The following SGPL1 variants were observed in gnomAD, a reference collection of about 807,000 sequenced individuals.
SGPL1 encodes the protein SP-lyase 1.
In SGPL1, 37 loss-of-function variants were observed where a neutral mutation model predicts 68.9. That is an observed-to-expected ratio of 0.54 (90% CI 0.41 to 0.71). The LOEUF is 0.71. SGPL1 is among the 30% of genes least tolerant of loss of function. SGPL1 has a pLI of 0.00. For synonymous variants in SGPL1, 236 were observed against 248.5 expected (o/e 0.95, Z 0.47); for missense variants, 551 against 704.6 (o/e 0.78, Z 2.47).
chr10:70,873,041 A>T (rs545198568), intron 11 of SGPL1, among the ~76,000 whole-genome samples: 3 of 152,166 alleles, frequency 2.0e-5, no homozygotes, highest in African/African-American at 4.8e-5. Flanking sequence ...ATCCTGACAT[A>T]TGGTCTCCAG....
intron 12 of SGPL1, among the ~76,000 whole-genome samples, 155 bp downstream of exon 12, chr10:70,873,744 C>G (rs1846337596): frequency 6.6e-6 from 1 of 152,238 alleles, no homozygotes; most frequent in South Asian, 2.1e-4. Flanking sequence ...TTAGGCCAGA[C>G]CAGCTGGCCT....
At chr10:70,862,956 A>G (rs907219047) in intron 7 of SGPL1, among the ~76,000 whole-genome samples, 4 of 152,108 alleles carry the variant, frequency 2.6e-5, no homozygotes, top group African/African-American at 4.8e-5. Context: ...ATTTCATTCT[A>G]AAGAATTCTG....
chr10:70,871,625 A>G (rs1283414138), intron 10 of SGPL1, among the ~76,000 whole-genome samples: 1 of 152,202 alleles, frequency 6.6e-6, no homozygotes, highest in Non-Finnish European at 1.5e-5. Flanking sequence ...TATAAAATTG[A>G]TACCATATTT....
chr10:70,871,757 A>G (rs559870641), intron 10 of SGPL1, 80 bp from the exon 11 acceptor site: 2 of 1,384,506 alleles, frequency 1.4e-6, no homozygotes, highest in South Asian at 2.8e-5. Flanking sequence ...TTTATAGCCC[A>G]TCTTTCCACC....
rs1846370347 is a variant in SGPL1, at chr10:70,875,514, G to A, written c.1411G>A (p.Gly471Arg). The A allele has an allele frequency of 4.3e-6, 7 of 1,612,910 alleles. No individual in the cohort carries two copies. Among genetic ancestry groups the A allele is most frequent in the Non-Finnish European group, 5.9e-6 (7 of 1,179,246 alleles). The stretch of plus-strand genomic sequence containing the variant: ...ACTATCAAACCTGATGACTGCTAAG[G>A]GGTGGAACTTGAACCAGTTGCAGTT... ...YRLSNLMTAKGWNLNQLQFPP... is the reference protein window; with the variant it reads ...YRLSNLMTAKRWNLNQLQFPP... The change falls in exon 13 of 15, where the codon GGG (glycine) becomes AGG (arginine). Residue 471 changes from glycine to arginine, a missense_variant. Physicochemically the swap from Gly to Arg is moderately radical, Grantham distance 125. Transcript: ENST00000373202.
Position 70,879,083 on chromosome 10 carries a change from C to T in SGPL1, c.*1748C>T, listed in dbSNP as rs1199640266. 2.0e-5 allele frequency: 3 copies of T among 152,974 alleles called. No homozygotes were observed. The highest frequency in any genetic ancestry group is 7.2e-5 in the African/African-American group (3 of 41,450). The allele number at this position is 152,974 out of a possible 1,614,324, so 9.5% of individuals were successfully genotyped here. On this transcript the variant is annotated 3_prime_UTR_variant, in exon 15 of 15. Coordinates refer to ENST00000373202, the MANE Select transcript of SGPL1 (RefSeq NM_003901.4). ...GCAGTGAGCTACTCCTGGCCCAGGCCCTAGGGGAAATGGATCAGTCTTTGA... is the reference window on the plus strand; with the variant it reads ...GCAGTGAGCTACTCCTGGCCCAGGCTCTAGGGGAAATGGATCAGTCTTTGA...
chr10:70,873,555 C>G lies in SGPL1; in HGVS notation c.1264C>G (p.Gln422Glu). 1 of 1,614,102 alleles carries G rather than the reference C, an allele frequency of 6.2e-7. No homozygotes were observed. Among genetic ancestry groups the G allele is most frequent in the Non-Finnish European group, 8.5e-7 (1 of 1,179,896 alleles). Residue 422 changes from glutamine to glutamate, a missense_variant, in exon 12 of 15, where the codon CAG (glutamine) becomes GAG (glutamate). Transcript: ENST00000373202. The part of the protein sequence containing the change: ...GENGYVEATK[Q>E]IIKTARFLKS... ...GAACGGCTATGTTGAAGCTACCAAA[C>G]AGATCATCAAAACTGCTCGCTTCCT...
At chr10:70,853,891 G>A (rs1683934) in intron 4 of SGPL1, among the ~76,000 whole-genome samples, 4 of 152,200 alleles carry the variant, frequency 2.6e-5, no homozygotes, top group Non-Finnish European at 5.9e-5. Context: ...TGTTGAATGG[G>A]ACCTCCAAAT....
rs746724800 is a variant in SGPL1, at chr10:70,844,613, A to T, written c.168A>T (p.Gly56=). 6.2e-7 allele frequency: 1 copy of T among 1,614,040 alleles called. No homozygotes were observed. The highest frequency in any genetic ancestry group is 1.1e-5 in the South Asian group (1 of 91,072). ...SVVWTLLIVW[G]YEFVFQPESL... ...TGTGGACCCTGCTGATAGTCTGGGGATATGAGTTTGTCTTCCAGCCAGAGA... is the reference window on the plus strand; with the variant it reads ...TGTGGACCCTGCTGATAGTCTGGGGTTATGAGTTTGTCTTCCAGCCAGAGA... Residue 56 remains glycine, a synonymous_variant, in exon 3 of 15, where the codon GGA becomes GGT. Coordinates refer to ENST00000373202, the MANE Select transcript of SGPL1 (RefSeq NM_003901.4).
At chr10:70,876,441 G>A (rs1460883117) in intron 13 of SGPL1, 100 bp from the exon 14 acceptor site, 1 of 1,114,924 alleles carries the variant, frequency 9.0e-7, no homozygotes, top group Non-Finnish European at 1.3e-6. Flanking sequence ...CAGAAATATT[G>A]TGAAAGGGCA....
In SGPL1 at chr10:70,844,446, G is replaced by A. The variant is rs1564622647; in HGVS notation, c.28-27G>A. ...CTTCTTTTCTCTCTCTAAATGTAATGTTTTTATTTTTCACTTGTATTTCTA... is the reference window on the plus strand; with the variant it reads ...CTTCTTTTCTCTCTCTAAATGTAATATTTTTATTTTTCACTTGTATTTCTA... On this transcript the variant is annotated intron_variant, in intron 2 of 14. Transcript: ENST00000373202. The A allele has an allele frequency of 2.5e-6, 4 of 1,602,230 alleles. No individual in the cohort carries two copies. In the South Asian group the frequency reaches 3.3e-5, roughly 13 times the overall value.
chr10:70,832,855 A>G (rs1200564574), intron 2 of SGPL1, among the ~76,000 whole-genome samples: 1 of 152,144 alleles, frequency 6.6e-6, no homozygotes, highest in African/African-American at 2.4e-5. Context: ...TGTGTCCTTC[A>G]GTGTGTTCCT....
chr10:70,865,147 C>T (rs1846158195), intron 7 of SGPL1, among the ~76,000 whole-genome samples: 1 of 151,844 alleles, frequency 6.6e-6, no homozygotes, highest in African/African-American at 2.4e-5. Flanking sequence ...CTTTGCGGTA[C>T]AGTTTCAAGG....
intron 2 of SGPL1, among the ~76,000 whole-genome samples, chr10:70,827,925 A>G (rs1845464145): frequency 6.6e-6 from 1 of 152,186 alleles, no homozygotes; most frequent in African/African-American, 2.4e-5. Flanking sequence ...TTTTTGCTCA[A>G]CATTGTGTTT....
intron 7 of SGPL1, among the ~76,000 whole-genome samples, chr10:70,867,382 G>C (rs558552349): frequency 6.6e-6 from 1 of 152,262 alleles, no homozygotes; most frequent in African/African-American, 2.4e-5. Context: ...GGCCAACATG[G>C]TGAAACCCCG....
At chr10:70,837,570 G>A (rs1377778530) in intron 2 of SGPL1, among the ~76,000 whole-genome samples, 1 of 152,154 alleles carries the variant, frequency 6.6e-6, no homozygotes, top group Non-Finnish European at 1.5e-5. Flanking sequence ...CCTTCATACA[G>A]TAGGCACTCC....
chr10:70,817,031 T>G, intron 2 of SGPL1, 151 bp downstream of exon 2: 1 of 872,026 alleles, frequency 1.1e-6, no homozygotes. Flanking sequence ...TTTGTTTTGT[T>G]TTTTTGGAGA....
At chr10:70,851,088 C>T in intron 3 of SGPL1, 55 bp from the exon 4 acceptor site, 2 of 1,374,232 alleles carry the variant, frequency 1.5e-6, no homozygotes. Flanking sequence ...TTGCTATATG[C>T]CAGGTCATAT....
intron 2 of SGPL1, among the ~76,000 whole-genome samples, chr10:70,829,391 C>T (rs113730098): frequency 2.0e-5 from 3 of 152,280 alleles, no homozygotes; most frequent in Middle Eastern, 3.4e-3. Flanking sequence ...AAGCCTCTTC[C>T]AGCTCCTTTG....
Sources: gnomAD v4.1 joint callset for allele counts (sites outside exome capture counted in the v4.1 genomes callset) on GRCh38, gnomAD v4.1.1 for gene constraint, MANE v1.5 for transcripts, NCBI Gene and HGNC (gene_info 2026-07-23, HGNC 2026-07-21) for gene names.